Variants in CHN2 observed in about 807,000 individuals in gnomAD.
The protein encoded by CHN2 is chimerin 2.
In CHN2, 35 loss-of-function variants were observed where a neutral mutation model predicts 56.3. The observed-to-expected ratio is 0.62, with a 90% CI of 0.47 to 0.82. CHN2 has a LOEUF of 0.82. Among genes scored for constraint, CHN2 ranks in the 40% least tolerant of loss-of-function variants. The probability of loss-of-function intolerance (pLI) is 0.00; values close to 1 mark genes in which losing one functional copy is unlikely to be tolerated. For synonymous variants in CHN2, 210 were observed against 212.8 expected (o/e 0.99, Z 0.12); for missense variants, 491 against 580.5 (o/e 0.85, Z 1.58).
At chr7:29,502,129 TCTAA>T (rs1319591215) in intron 9 of CHN2, among the ~76,000 whole-genome samples, 18 of 152,178 alleles carry the variant, frequency 1.2e-4, no homozygotes, top group Non-Finnish European at 2.5e-4. Context: ...TCCAAATCTG[TCTAA>T]CTATATTATG....
intron 6 of CHN2, among the ~76,000 whole-genome samples, chr7:29,414,087 CCT>C (rs1331362288): frequency 2.0e-5 from 3 of 152,138 alleles, no homozygotes; most frequent in Non-Finnish European, 4.4e-5. Flanking sequence ...GCTCTGTATA[CCT>C]TTACTATATC....
At chr7:29,284,739 A>G (rs561947590) in intron 1 of CHN2, among the ~76,000 whole-genome samples, 11 of 152,302 alleles carry the variant, frequency 7.2e-5, no homozygotes, top group African/African-American at 2.4e-4. Context: ...GCCAAGCCAC[A>G]CCTGGACTTC....
At chr7:29,391,398 A>G (rs1801360649) in intron 3 of CHN2, among the ~76,000 whole-genome samples, 1 of 150,876 alleles carries the variant, frequency 6.6e-6, no homozygotes, top group African/African-American at 2.4e-5. Flanking sequence ...GGGAGGGGAG[A>G]AGAGAGGAAG....
At position 29,393,724 on chromosome 7, in the gene CHN2, T is replaced by C; in HGVS notation, c.176+14T>C. ...TTATGGAAGAGAGTATGTATTATAC[T>C]ATTCTTTGTTTTAATAATTTAATAA... On this transcript the variant is annotated intron_variant, in intron 4 of 12. Coordinates refer to ENST00000222792, the MANE Select transcript of CHN2 (RefSeq NM_004067.4). The C allele has an allele frequency of 2.5e-6, 2 of 813,430 alleles. No individual in the cohort carries two copies. Among genetic ancestry groups the C allele is most frequent in the South Asian group, 1.6e-5 (1 of 60,642 alleles). 50.4% of individuals were successfully genotyped at this position (813,430 alleles called of 1,614,324 possible). A position where few individuals can be genotyped will look rare whatever the true frequency, so the allele number is the denominator to read the frequency against.
intron 1 of CHN2, among the ~76,000 whole-genome samples, chr7:29,237,057 T>C (rs1787250801): frequency 6.6e-6 from 1 of 152,142 alleles, no homozygotes; most frequent in African/African-American, 2.4e-5. Context: ...TACCCCAAGG[T>C]GCCAAGGATG....
At chr7:29,402,476 G>A (rs938676372) in intron 6 of CHN2, among the ~76,000 whole-genome samples, 1 of 152,182 alleles carries the variant, frequency 6.6e-6, no homozygotes, top group Non-Finnish European at 1.5e-5. Flanking sequence ...CCAGACAAAA[G>A]CCATTCCTTA....
chr7:29,347,005 T>C (rs544612101), intron 1 of CHN2, among the ~76,000 whole-genome samples: 8 of 152,150 alleles, frequency 5.3e-5, no homozygotes, highest in Non-Finnish European at 1.0e-4. Context: ...TCCATGGCCA[T>C]ATGTTTCCAC....
At chr7:29,270,439 G>A (rs1790524749) in intron 1 of CHN2, among the ~76,000 whole-genome samples, 1 of 144,768 alleles carries the variant, frequency 6.9e-6, no homozygotes, top group Non-Finnish European at 1.5e-5. Context: ...GGATCATTTT[G>A]AGGCCAGGAG....
intron 2 of CHN2, among the ~76,000 whole-genome samples, chr7:29,171,317 G>C (rs562414843): frequency 6.6e-6 from 1 of 152,248 alleles, no homozygotes; most frequent in African/African-American, 2.4e-5. Context: ...GGTCTATAAA[G>C]AAGAACAACC....
Position 29,398,306 on chromosome 7 carries a change from G to T in CHN2, c.177-67G>T, listed in dbSNP as rs1801928068. On this transcript the variant is annotated intron_variant, in intron 4 of 12. Coordinates refer to ENST00000222792, the MANE Select transcript of CHN2 (RefSeq NM_004067.4). ...TGGGTGCCCCCACCATCCTTTTAAGGCTAGTTCTTTGTGGTCCTTATTCTG... is the reference window on the plus strand; with the variant it reads ...TGGGTGCCCCCACCATCCTTTTAAGTCTAGTTCTTTGTGGTCCTTATTCTG... The T allele has an allele frequency of 7.3e-6, 9 of 1,227,446 alleles. No homozygotes were observed. In the East Asian group the frequency reaches 2.1e-4, roughly 29 times the overall value. The allele number at this position is 1,227,446 out of a possible 1,614,324, so 76.0% of individuals were successfully genotyped here.
chr7:29,438,985 C>A (rs186392347), intron 6 of CHN2, among the ~76,000 whole-genome samples: 24 of 152,292 alleles, frequency 1.6e-4, no homozygotes, highest in African/African-American at 5.8e-4. Flanking sequence ...AGTCTATAAC[C>A]AGAGATGCCT....
At chr7:29,303,581 C>T (rs1057313448) in intron 1 of CHN2, among the ~76,000 whole-genome samples, 23 of 152,162 alleles carry the variant, frequency 1.5e-4, no homozygotes, top group Non-Finnish European at 2.9e-4. Flanking sequence ...AGGGACTCCC[C>T]GGTGTCTAAT....
At chr7:29,185,319 T>TTTG (rs1798575647) in intron 2 of CHN2, among the ~76,000 whole-genome samples, 1 of 152,220 alleles carries the variant, frequency 6.6e-6, no homozygotes, top group Admixed American at 6.5e-5. Flanking sequence ...TTAAAGATCA[T>TTTG]AACATGGACC....
intron 1 of CHN2, among the ~76,000 whole-genome samples, chr7:29,284,109 A>AT (rs1791954244): frequency 6.7e-6 from 1 of 149,818 alleles, no homozygotes; most frequent in African/African-American, 2.5e-5. Flanking sequence ...TTTTATTTTT[A>AT]TTTTTTGAGA....
At chr7:29,381,963 A>C (rs931645513) in intron 3 of CHN2, among the ~76,000 whole-genome samples, 6 of 152,132 alleles carry the variant, frequency 3.9e-5, no homozygotes, top group African/African-American at 1.2e-4. Context: ...TTGGGCAATA[A>C]GAGGTGATGG....
chr7:29,482,517 G>A (rs918632483), intron 7 of CHN2, among the ~76,000 whole-genome samples: 1 of 152,012 alleles, frequency 6.6e-6, no homozygotes, highest in Non-Finnish European at 1.5e-5. Flanking sequence ...CAGGTTTTTA[G>A]GGACAAGCCA....
Position 29,267,020 on chromosome 7 carries a change from T to A in CHN2, c.49+72030T>A, listed in dbSNP as rs192155222. Among the ~76,000 whole-genome samples, 697 of 152,220 alleles carry A rather than the reference T, an allele frequency of 4.6e-3. 5 individuals carry two copies. The highest frequency in any genetic ancestry group is 0.016 in the African/African-American group (680 of 41,528). The stretch of plus-strand genomic sequence containing the variant: ...ATGGAAAGAATCAATATGGGTCCAA[T>A]CCCTCCTTTCCCTTTGATGCTTTTT... On this transcript the variant is annotated intron_variant, in intron 1 of 12. Coordinates refer to ENST00000222792, the MANE Select transcript of CHN2 (RefSeq NM_004067.4).
At chr7:29,281,615 A>T (rs1156231177) in intron 1 of CHN2, among the ~76,000 whole-genome samples, 1 of 152,174 alleles carries the variant, frequency 6.6e-6, no homozygotes, top group Non-Finnish European at 1.5e-5. Context: ...GATCACATGA[A>T]ATAATATGTT....
chr7:29,229,772 G>A (rs1055242207), intron 1 of CHN2, among the ~76,000 whole-genome samples: 2 of 152,154 alleles, frequency 1.3e-5, no homozygotes, highest in African/African-American at 4.8e-5. Context: ...GAGCCCAGAG[G>A]TTCAAGACCA....
Sources: allele counts gnomAD v4.1 joint callset (sites outside exome capture counted in the v4.1 genomes callset), GRCh38; gene constraint gnomAD v4.1.1; transcripts MANE v1.5; gene names NCBI Gene and HGNC (gene_info 2026-07-23, HGNC 2026-07-21).